Variants in MACROD2 observed in about 807,000 individuals in gnomAD.
MACROD2 encodes the protein ADP-ribose glycohydrolase MACROD2.
A neutral mutation model predicts 70.4 loss-of-function variants in MACROD2; 36 were observed. That is an observed-to-expected ratio of 0.51 (90% CI 0.39 to 0.68). The LOEUF is 0.68. Ranked by LOEUF, MACROD2 falls within the 30% of genes least tolerant of loss-of-function variation. The probability of loss-of-function intolerance (pLI) is 0.00; values close to 1 mark genes in which losing one functional copy is unlikely to be tolerated. For missense variants in MACROD2, 496 were observed against 538.4 expected (o/e 0.92, Z 0.78); for synonymous variants, 172 against 178.8 (o/e 0.96, Z 0.30).
At chr20:14,539,268 T>A (rs768514989) in intron 4 of MACROD2, among the ~76,000 whole-genome samples, 5 of 152,230 alleles carry the variant, frequency 3.3e-5, no homozygotes, top group Non-Finnish European at 7.3e-5. Flanking sequence ...TAGCAGTTGT[T>A]TCCTGAAGCA....
intron 9 of MACROD2, among the ~76,000 whole-genome samples, chr20:15,877,674 C>T (rs1031621608): frequency 2.6e-5 from 4 of 152,146 alleles, no homozygotes; most frequent in Admixed American, 1.3e-4. Flanking sequence ...TTCCCTACTA[C>T]GTAGAAGCCC....
At chr20:14,660,568 G>A (rs554736080) in intron 4 of MACROD2, among the ~76,000 whole-genome samples, 1 of 151,824 alleles carries the variant, frequency 6.6e-6, no homozygotes, top group Non-Finnish European at 1.5e-5. Flanking sequence ...TAAGATTCAG[G>A]GGGTACATAA....
intron 5 of MACROD2, among the ~76,000 whole-genome samples, chr20:14,890,027 G>A (rs2073733442): frequency 6.6e-6 from 1 of 152,096 alleles, no homozygotes; most frequent in Admixed American, 6.5e-5. Flanking sequence ...ATATTTTGAA[G>A]ATAGAACCAA....
intron 9 of MACROD2, among the ~76,000 whole-genome samples, chr20:15,882,250 G>A (rs192550154): frequency 1.2e-3 from 177 of 152,162 alleles, no homozygotes; most frequent in African/African-American, 3.9e-3. Flanking sequence ...GCTAAATTGG[G>A]CACAGAAGCT....
At chr20:14,322,450 A>C (rs1286765802) in intron 3 of MACROD2, among the ~76,000 whole-genome samples, 2 of 148,222 alleles carry the variant, frequency 1.3e-5, no homozygotes, top group Non-Finnish European at 3.0e-5. Flanking sequence ...GTTTACAGAG[A>C]CTTTATGGAG....
At chr20:15,630,754 T>A (rs1243718735) in intron 8 of MACROD2, among the ~76,000 whole-genome samples, 1 of 152,116 alleles carries the variant, frequency 6.6e-6, no homozygotes, top group Non-Finnish European at 1.5e-5. Flanking sequence ...TCCTAACTCT[T>A]TGTGAATTAC....
At chr20:14,672,053 C>T (rs115014491) in intron 4 of MACROD2, among the ~76,000 whole-genome samples, 146 of 152,268 alleles carry the variant, frequency 9.6e-4, no homozygotes, top group African/African-American at 3.2e-3. Flanking sequence ...CTTTGTATCC[C>T]TTCTGATGAG....
chr20:15,697,932 A>G (rs964206403), intron 8 of MACROD2, among the ~76,000 whole-genome samples: 3 of 152,076 alleles, frequency 2.0e-5, no homozygotes, highest in African/African-American at 7.2e-5. Context: ...CCTTTACTTT[A>G]AGTTTATGTG....
chr20:15,107,213 TA>T (rs1009472434), intron 5 of MACROD2, among the ~76,000 whole-genome samples: 1 of 151,902 alleles, frequency 6.6e-6, no homozygotes, highest in Admixed American at 6.6e-5. Flanking sequence ...CTCCCTGCTT[TA>T]TGACACTGAA....
chr20:14,724,441 G>T (rs1203394313), intron 5 of MACROD2, among the ~76,000 whole-genome samples: 2 of 152,126 alleles, frequency 1.3e-5, no homozygotes, highest in Admixed American at 1.3e-4. Context: ...TGCCCCATAA[G>T]AGAAAATTCC....
At chr20:15,519,927 C>T (rs16995873) in intron 8 of MACROD2, among the ~76,000 whole-genome samples, 2,548 of 152,212 alleles carry the variant, frequency 0.017, 73 homozygotes, top group African/African-American at 0.058. Flanking sequence ...TGTCAAGGGC[C>T]GACCTGCAAA....
At chr20:15,769,737 A>C (rs1361517856) in intron 8 of MACROD2, among the ~76,000 whole-genome samples, 1 of 152,196 alleles carries the variant, frequency 6.6e-6, no homozygotes, top group Non-Finnish European at 1.5e-5. Flanking sequence ...ATATATCCTT[A>C]AAGTTATTAT....
chr20:15,287,469 C>T (rs2146100302), intron 6 of MACROD2, among the ~76,000 whole-genome samples: 1 of 152,162 alleles, frequency 6.6e-6, no homozygotes, highest in Admixed American at 6.5e-5. Context: ...CATGAAATGA[C>T]GAGGGAGAAC....
chr20:14,327,148 G>A, intron 3 of MACROD2: 2 of 1,613,766 alleles, frequency 1.2e-6, no homozygotes, highest in African/African-American at 1.3e-5. Context: ...TGAATCATAA[G>A]TGATAGTCCT....
At chr20:15,427,367 C>T (rs181433515) in intron 6 of MACROD2, among the ~76,000 whole-genome samples, 32 of 152,300 alleles carry the variant, frequency 2.1e-4, no homozygotes, top group Non-Finnish European at 4.4e-5. Context: ...TGAAACTTGT[C>T]ATTAACTGTG....
intron 5 of MACROD2, among the ~76,000 whole-genome samples, chr20:14,747,093 C>A (rs748862145): frequency 6.6e-6 from 1 of 152,164 alleles, no homozygotes; most frequent in Non-Finnish European, 1.5e-5. Flanking sequence ...TCCAACAAAA[C>A]CAACATGAAT....
chr20:15,841,032 A>T (rs1226699595), intron 8 of MACROD2, among the ~76,000 whole-genome samples: 1 of 152,104 alleles, frequency 6.6e-6, no homozygotes, highest in African/African-American at 2.4e-5. Flanking sequence ...CACTTTTAAG[A>T]CTCTCAAAGC....
chr20:16,000,226 A>G (rs1036512680), intron 15 of MACROD2, among the ~76,000 whole-genome samples: 3 of 152,250 alleles, frequency 2.0e-5, no homozygotes, highest in Non-Finnish European at 4.4e-5. Flanking sequence ...CTCATTTCAT[A>G]CAATAACTCT....
At chr20:14,593,215 GTTTTC>G (rs1981897621) in intron 4 of MACROD2, among the ~76,000 whole-genome samples, 1 of 152,076 alleles carries the variant, frequency 6.6e-6, no homozygotes, top group Non-Finnish European at 1.5e-5. Context: ...ACTGTTAATA[GTTTTC>G]TTATTCGATT....
Sources: allele counts gnomAD v4.1 joint callset (sites outside exome capture counted in the v4.1 genomes callset), GRCh38; gene constraint gnomAD v4.1.1; transcripts MANE v1.5; gene names NCBI Gene and HGNC (gene_info 2026-07-23, HGNC 2026-07-21).